The following PADI4 variants were observed in gnomAD, a reference collection of about 807,000 sequenced individuals.
PADI4 encodes protein-arginine deiminase type-4.
In PADI4, 62 loss-of-function variants were observed where a neutral mutation model predicts 75.0. The ratio of observed to expected loss-of-function variants is 0.83; its 90% CI spans 0.67 to 1.02. The LOEUF is 1.02. PADI4 is among the 50% of genes least tolerant of loss of function. The pLI is 0.00. For synonymous variants in PADI4, 361 were observed against 348.1 expected (o/e 1.04, Z -0.41); for missense variants, 845 against 850.5 (o/e 0.99, Z 0.08).
chr1:17,359,855 G>A (rs928774408), intron 15 of PADI4, among the ~76,000 whole-genome samples: 1 of 152,242 alleles, frequency 6.6e-6, no homozygotes, highest in Non-Finnish European at 1.5e-5. Context: ...TCCAAGGAGA[G>A]TGATGTGGAC....
intron 10 of PADI4, among the ~76,000 whole-genome samples, chr1:17,354,024 G>C (rs903839625): frequency 6.6e-6 from 1 of 151,358 alleles, no homozygotes; most frequent in Non-Finnish European, 1.5e-5. Context: ...TGGATCACTT[G>C]AGGTCAGGAA....
intron 8 of PADI4, among the ~76,000 whole-genome samples, chr1:17,344,277 G>T (rs562824066): frequency 6.6e-6 from 1 of 152,286 alleles, no homozygotes; most frequent in East Asian, 1.9e-4. Flanking sequence ...AAGCAGCAAG[G>T]CATTCAAGAG....
chr1:17,353,353 G>A (rs1434808550), intron 10 of PADI4, among the ~76,000 whole-genome samples: 1 of 152,136 alleles, frequency 6.6e-6, no homozygotes, highest in Non-Finnish European at 1.5e-5. Context: ...TGTGGTCCCA[G>A]CTACTCGGGC....
rs114055484 is a variant in PADI4, at chr1:17,360,011, C to T, written c.1758+603C>T. Among the ~76,000 whole-genome samples, 1,019 of 152,156 alleles carry T rather than the reference C, an allele frequency of 6.7e-3. 8 individuals carry two copies. The highest frequency in any genetic ancestry group is 0.023 in the African/African-American group (965 of 41,516). ...TCTGTTAAGACAGTCATCTTGAGGC[C>T]GGGTGCGGTGGCTCACGCCTGTAAT... On this transcript the variant is annotated intron_variant, in intron 15 of 15. Coordinates refer to ENST00000375448, the MANE Select transcript of PADI4 (RefSeq NM_012387.3).
chr1:17,337,683 C>T (rs368880437), intron 4 of PADI4, among the ~76,000 whole-genome samples: 35 of 152,016 alleles, frequency 2.3e-4, no homozygotes, highest in South Asian at 2.3e-3. Flanking sequence ...TTTGGGAGGC[C>T]GAGGAGGATG....
chr1:17,325,714 A>AT (rs11378800), intron 1 of PADI4, among the ~76,000 whole-genome samples: 81,599 of 147,378 alleles, frequency 0.55, 22,495 homozygotes, highest in East Asian at 0.59. Flanking sequence ...CACGTTCCTG[A>AT]TTTTTTTTTT....
At chr1:17,320,081 T>A (rs2074008616) in intron 1 of PADI4, among the ~76,000 whole-genome samples, 1 of 152,252 alleles carries the variant, frequency 6.6e-6, no homozygotes, top group South Asian at 2.1e-4. Flanking sequence ...TGAATCTTAC[T>A]TGGCTAAAAT....
At chr1:17,313,523 GAAAGGAAGGAAA>G (rs2073878567) in intron 1 of PADI4, among the ~76,000 whole-genome samples, 1 of 120,354 alleles carries the variant, frequency 8.3e-6, no homozygotes, top group African/African-American at 3.0e-5. Context: ...AAAAAAAAAG[GAAAGGAAGGAAA>G]GAAGGAAAGA....
At chr1:17,313,122 G>A (rs1410299129) in intron 1 of PADI4, among the ~76,000 whole-genome samples, 7 of 152,002 alleles carry the variant, frequency 4.6e-5, no homozygotes, top group African/African-American at 1.2e-4. Flanking sequence ...CCTGGGAGGC[G>A]GAGGTTGCAG....
At position 17,347,983 on chromosome 1, in the gene PADI4, C is replaced by T. The variant is rs1439918349; in HGVS notation, c.1090C>T (p.Leu364=). ...CTACATCCAAGCCCCACACAAAACG[C>T]TGCCCGTGGTCTTCGACTCTCCAAG... The part of the protein sequence containing the change: ...IGYIQAPHKT[L]PVVFDSPRNR... Residue 364 remains leucine (L), a synonymous_variant, in exon 10 of 16, where the codon CTG becomes TTG. Coordinates refer to ENST00000375448, the MANE Select transcript of PADI4 (RefSeq NM_012387.3). 8.1e-6 allele frequency: 13 copies of T among 1,607,204 alleles called. No homozygotes were observed. The highest frequency in any genetic ancestry group is 1.0e-5 in the Non-Finnish European group (12 of 1,175,772).
intron 1 of PADI4, 35 bp downstream of exon 1, chr1:17,308,349 G>A (rs373654280): frequency 6.5e-7 from 1 of 1,530,186 alleles, no homozygotes; most frequent in Non-Finnish European, 9.1e-7. Flanking sequence ...TTGGAGGCAG[G>A]TCAGGAGATG....
At position 17,333,846 on chromosome 1, in the gene PADI4, TC is replaced by T. The variant is rs2074259825; in HGVS notation, c.274-93del. ...GGACCAGTTCTTGCCCAACTTTGTC[TC>T]CCCAGTGCCCTACCCTGAGCCGGCA... On this transcript the variant is annotated intron_variant, in intron 2 of 15. Coordinates refer to ENST00000375448, the MANE Select transcript of PADI4 (RefSeq NM_012387.3). The T allele has an allele frequency of 1.7e-5, 15 of 874,804 alleles. No homozygotes were observed. The South Asian group carries it at 2.0e-4, about 12-fold the overall frequency. The allele number at this position is 874,804 out of a possible 1,614,324, so 54.2% of individuals were successfully genotyped here. A position where few individuals can be genotyped will look rare whatever the true frequency, so the allele number is the denominator to read the frequency against.
intron 10 of PADI4, among the ~76,000 whole-genome samples, chr1:17,353,700 C>T (rs2074708945): frequency 6.6e-6 from 1 of 152,102 alleles, no homozygotes; most frequent in Non-Finnish European, 1.5e-5. Context: ...TATTAGGGAT[C>T]TTGTGATGGG....
At chr1:17,324,143 T>C (rs2074079608) in intron 1 of PADI4, among the ~76,000 whole-genome samples, 1 of 144,892 alleles carries the variant, frequency 6.9e-6, no homozygotes, top group Admixed American at 6.9e-5. Flanking sequence ...AACACCAAGT[T>C]GGGTTTTTTT....
chr1:17,329,312 A>T (rs913910336), intron 1 of PADI4, among the ~76,000 whole-genome samples: 9 of 149,110 alleles, frequency 6.0e-5, no homozygotes, highest in Non-Finnish European at 1.3e-4. Flanking sequence ...GGCGACAGTG[A>T]GACTCTGTCT....
In PADI4 at chr1:17,336,198, T is replaced by C; in HGVS notation, c.380T>C (p.Val127Ala). 6.2e-7 allele frequency: 1 copy of C among 1,613,860 alleles called. No individual in the cohort carries two copies. Among genetic ancestry groups the C allele is most frequent in the African/African-American group, 1.3e-5 (1 of 75,022 alleles). Residue 127 changes from valine (V) to alanine (A), a missense_variant, in exon 4 of 16, where the codon GTG (valine) becomes GCG (alanine). Val to Ala is a moderately conservative substitution (Grantham distance 64). Coordinates refer to ENST00000375448, the MANE Select transcript of PADI4 (RefSeq NM_012387.3). ...GCAGACATCACCCGCACCGGCAAAG[T>C]GAAGCCAACCAGAGCTGTGAAAGAT... Reference protein sequence around the residue: ...LCADITRTGKVKPTRAVKDQR... With the variant: ...LCADITRTGKAKPTRAVKDQR...
At chr1:17,361,050 C>T (rs1052084062) in intron 15 of PADI4, among the ~76,000 whole-genome samples, 11 of 152,052 alleles carry the variant, frequency 7.2e-5, no homozygotes, top group African/African-American at 1.9e-4. Context: ...ACCCCAGCCA[C>T]CCCCTTCTTC....
In PADI4 at chr1:17,352,010, AGG is replaced by A. The variant is rs1491177881; in HGVS notation, c.1156-2522_1156-2521del. ...GAGAGGCAGTCAGGGAGGTGATGGG[AGG>A]AGAGGCGGCCAGGGAGGTGATGGGA... On this transcript the variant is annotated intron_variant, in intron 10 of 15. Transcript: ENST00000375448. Among the ~76,000 whole-genome samples the A allele has an allele frequency of 5.9e-4, 10 of 16,918 alleles. 2 individuals carry two copies. Among genetic ancestry groups the A allele is most frequent in the Admixed American group, 2.2e-3 (3 of 1,354 alleles). The allele number at this position is 16,918 out of a possible 152,430, so 11.1% of individuals were successfully genotyped here.
rs200893896 is a variant in PADI4 at position 17,342,041 on chromosome 1, G to C, written c.751G>C (p.Val251Leu). Residue 251 changes from valine (V) to leucine (L), a missense_variant, in exon 7 of 16, where the codon GTG becomes CTG. Physicochemically the swap from Val to Leu is conservative, Grantham distance 32. Coordinates refer to ENST00000375448, the MANE Select transcript of PADI4 (RefSeq NM_012387.3). ...PGGKHNMDFYVEALAFPDTDF... is the reference protein window; with the variant it reads ...PGGKHNMDFYLEALAFPDTDF... Reference sequence around the variant, plus strand: ...TGGAAAGCACAACATGGACTTCTACGTGGAGGCCCTCGCTTTCCCGGACAC... The same window carrying C: ...TGGAAAGCACAACATGGACTTCTACCTGGAGGCCCTCGCTTTCCCGGACAC... The C allele has an allele frequency of 1.2e-6, 2 of 1,614,020 alleles. No homozygotes were observed. Among genetic ancestry groups the C allele is most frequent in the Non-Finnish European group, 8.5e-7 (1 of 1,179,908 alleles).
Sources: gnomAD v4.1 joint callset for allele counts (sites outside exome capture counted in the v4.1 genomes callset) on GRCh38, gnomAD v4.1.1 for gene constraint, MANE v1.5 for transcripts, NCBI Gene and HGNC (gene_info 2026-07-23, HGNC 2026-07-21) for gene names.